The following DNASE1 variants were observed in gnomAD, a reference collection of about 807,000 sequenced individuals.
DNASE1 encodes deoxyribonuclease-1.
Under a neutral mutation model 33.9 loss-of-function variants are expected in DNASE1, and 40 were observed. The ratio of observed to expected loss-of-function variants is 1.18; its 90% confidence interval spans 0.92 to 1.54. The LOEUF is 1.54. Among genes scored for constraint, DNASE1 ranks in the 40% most tolerant of loss-of-function variants. The pLI is 0.00. For missense variants in DNASE1, 518 were observed against 372.6 expected (o/e 1.39, Z -3.21); for synonymous variants, 216 against 160.0 (o/e 1.35, Z -2.64).
chr16:3,643,077 G>A (rs1400951327), intron 1 of DNASE1: 4 of 152,960 alleles, frequency 2.6e-5, no homozygotes, highest in African/African-American at 9.6e-5. Flanking sequence ...TCTTCTCCCT[G>A]GGGCACTGGC....
chr16:3,632,939 G>T (rs953080406), intron 1 of DNASE1, among the ~76,000 whole-genome samples: 3 of 152,006 alleles, frequency 2.0e-5, no homozygotes, highest in Non-Finnish European at 4.4e-5. Flanking sequence ...TGAGTTTCCT[G>T]GGTCTTCTTT....
At chr16:3,646,788 G>C (rs567501611) in intron 1 of DNASE1, among the ~76,000 whole-genome samples, 1 of 152,156 alleles carries the variant, frequency 6.6e-6, no homozygotes, top group South Asian at 2.1e-4. Flanking sequence ...CAGTGATGAC[G>C]GGTGGTATGG....
chr16:3,630,104 C>A (rs2041648939), intron 1 of DNASE1, among the ~76,000 whole-genome samples: 1 of 152,160 alleles, frequency 6.6e-6, no homozygotes, highest in Non-Finnish European at 1.5e-5. Context: ...AGGCGTGAGC[C>A]ACCACGCCCA....
At chr16:3,630,153 G>GTA (rs2041651614) in intron 1 of DNASE1, among the ~76,000 whole-genome samples, 1 of 151,748 alleles carries the variant, frequency 6.6e-6, no homozygotes, top group Non-Finnish European at 1.5e-5. Flanking sequence ...GTGTGTGTGT[G>GTA]TTTGTTGTTG....
At chr16:3,654,555 C>T, upstream of DNASE1, 1 of 398,602 alleles carries the variant, frequency 2.5e-6, no homozygotes, top group East Asian at 3.6e-5. Context: ...CCAGCCCCAC[C>T]CTCCCGCACA....
At position 3,655,409 on chromosome 16, in the gene DNASE1, A is replaced by G; in HGVS notation, c.36A>G (p.Ala12=). The G allele has an allele frequency of 6.2e-7, 1 of 1,614,058 alleles. No individual in the cohort carries two copies. The part of the protein sequence containing the change: ...RGMKLLGALL[A]LAALLQGAVS... ...TGAAGCTGCTGGGGGCGCTGCTGGC[A>G]CTGGCGGCCCTACTGCAGGGGGCCG... The change falls in exon 2 of 9, where the codon GCA becomes GCG. Residue 12 remains alanine, a synonymous_variant. Coordinates refer to ENST00000246949, the MANE Select transcript of DNASE1 (RefSeq NM_005223.4).
exon 10 of DNASE1, chr16:3,664,307 G>C (rs201254344): frequency 1.9e-6 from 3 of 1,609,144 alleles, no homozygotes; most frequent in East Asian, 2.2e-5. Context: ...CCTCATAGTA[G>C]GGTGAGTGCT....
intron 1 of DNASE1, among the ~76,000 whole-genome samples, chr16:3,621,416 GT>G (rs1567186693): frequency 2.0e-5 from 3 of 152,270 alleles, no homozygotes. Context: ...CCTGTACATT[GT>G]TAATTTTTTT....
downstream of DNASE1, chr16:3,662,590 T>G (rs2043148399): frequency 1.6e-6 from 1 of 620,430 alleles, no homozygotes; most frequent in Non-Finnish European, 3.0e-6. Flanking sequence ...GTCCCTTGTT[T>G]GGAACCCCCA....
rs1012622198 is a variant in DNASE1 at position 3,656,714 on chromosome 16, CGA to C, written c.401_402del (p.Glu134AlafsTer37). 3.7e-6 allele frequency: 6 copies of C among 1,612,560 alleles called. No individual in the cohort carries two copies. The highest frequency in any genetic ancestry group is 4.2e-6 in the Non-Finnish European group (5 of 1,179,422). On this transcript the variant is annotated frameshift_variant, in exon 5 of 9. Transcript: ENST00000246949. LOFTEE classifies it high-confidence loss of function. Reference protein sequence around the residue: ...CEPCGNDTFNREPAIVRFFSR... With the variant: ...CEPCGNDTFNXEPAIVRFFSR... Reference sequence around the variant, plus strand: ...GCCCTGCGGGAACGACACCTTCAACCGAGAGCCAGCCATTGTCAGGTTCTTCT... The same window carrying C: ...GCCCTGCGGGAACGACACCTTCAACCGAGCCAGCCATTGTCAGGTTCTTCT...
At position 3,655,392 on chromosome 16, in the gene DNASE1, C is replaced by A. The variant is rs759107799; in HGVS notation, c.19C>A (p.Leu7Met). The change falls in exon 2 of 9, where the codon CTG (leucine) becomes ATG (methionine). Residue 7 changes from leucine (L) to methionine (M), a missense_variant. Physicochemically the swap from Leu to Met is conservative, Grantham distance 15. Transcript: ENST00000246949. ...TCCCAGGATGAGGGGCATGAAGCTG[C>A]TGGGGGCGCTGCTGGCACTGGCGGC... Reference protein sequence around the residue: MRGMKLLGALLALAALL... With the variant: MRGMKLMGALLALAALL... 4 of 1,614,176 alleles carry A rather than the reference C, an allele frequency of 2.5e-6. No individual in the cohort carries two copies. The Admixed American group carries it at 6.7e-5, about 27-fold the overall frequency.
At chr16:3,664,134 G>A (rs1004761565) in exon 10 of DNASE1, 40 of 877,064 alleles carry the variant, frequency 4.6e-5, no homozygotes, top group African/African-American at 1.2e-4. Context: ...CAGTCGGTCC[G>A]GCCTCTGTGC....
intron 1 of DNASE1, among the ~76,000 whole-genome samples, chr16:3,648,675 A>G (rs2042243573): frequency 6.6e-6 from 1 of 152,166 alleles, no homozygotes; most frequent in South Asian, 2.1e-4. Flanking sequence ...AAAACAAAAC[A>G]TAAGGACCAA....
At chr16:3,647,854 G>T (rs2042218806) in intron 1 of DNASE1, among the ~76,000 whole-genome samples, 1 of 151,922 alleles carries the variant, frequency 6.6e-6, no homozygotes, top group Non-Finnish European at 1.5e-5. Context: ...TACCAAAAAA[G>T]AACAATTTTT....
At chr16:3,657,447 C>G in intron 7 of DNASE1, 106 bp downstream of exon 7, 7 of 1,460,936 alleles carry the variant, frequency 4.8e-6, no homozygotes, top group East Asian at 2.3e-5. Flanking sequence ...ACTCACCCAA[C>G]TGAGCTTCAG....
At chr16:3,660,070 C>T (rs1484484530), downstream of DNASE1, 7 of 152,192 alleles carry the variant, frequency 4.6e-5, no homozygotes, top group African/African-American at 1.7e-4. Flanking sequence ...CATTTCTAGT[C>T]TACGTAGCTG....
intron 1 of DNASE1, among the ~76,000 whole-genome samples, chr16:3,617,251 G>A (rs35275535): frequency 0.17 from 25,491 of 148,244 alleles, 2,389 homozygotes; most frequent in African/African-American, 0.25. Flanking sequence ...GCTTGAACCC[G>A]GGAGATGGAG....
chr16:3,632,686 A>G lies in DNASE1; in HGVS notation c.-1358-8029A>G, dbSNP rs2151179714. ...CTGCAACCTCCAACTCCTGGGTTCA[A>G]GCAATTCTCCTGCCTCAGCCTCCTA... On this transcript the variant is annotated intron_variant and NMD_transcript_variant, in intron 1 of 11. Transcript: ENST00000570769. Among the ~76,000 whole-genome samples, 3 of 152,048 alleles carry G rather than the reference A, an allele frequency of 2.0e-5. 1 individual carries two copies. The Middle Eastern group carries it at 0.01, about 517-fold the overall frequency.
chr16:3,615,058 C>G (rs2041051434), intron 1 of DNASE1, among the ~76,000 whole-genome samples: 17 of 151,392 alleles, frequency 1.1e-4, no homozygotes. Flanking sequence ...AACTGAATCA[C>G]CTGTGGAATT....
Sources: allele counts gnomAD v4.1 joint callset (sites outside exome capture counted in the v4.1 genomes callset), GRCh38; gene constraint gnomAD v4.1.1; transcripts MANE v1.5; gene names NCBI Gene and HGNC (gene_info 2026-07-23, HGNC 2026-07-21).